The following FRMD4A variants were observed in gnomAD, a reference collection of about 807,000 sequenced individuals.
FRMD4A encodes the protein FERM domain-containing protein 4A.
In FRMD4A, 29 loss-of-function variants were observed where a neutral mutation model predicts 129.1. The ratio of observed to expected loss-of-function variants is 0.22; its 90% CI spans 0.17 to 0.31. FRMD4A has a LOEUF of 0.31. FRMD4A is among the 10% of genes least tolerant of loss of function. The pLI, the probability that FRMD4A is intolerant of heterozygous loss-of-function variation, is 1.00. For synonymous variants in FRMD4A, 634 were observed against 571.6 expected, an observed-to-expected ratio of 1.11 and a Z score of -1.56; for missense variants, 1,272 against 1,375.8, an observed-to-expected ratio of 0.92 and a Z score of 1.19.
chr10:13,901,962 C>G (rs2094824678), intron 2 of FRMD4A, among the ~76,000 whole-genome samples: 1 of 152,162 alleles, frequency 6.6e-6, no homozygotes, highest in South Asian at 2.1e-4. Flanking sequence ...TTCAGGCTAT[C>G]AAATTTCTAG....
At chr10:13,819,532 G>A (rs1223578930) in intron 3 of FRMD4A, among the ~76,000 whole-genome samples, 2 of 152,064 alleles carry the variant, frequency 1.3e-5, no homozygotes, top group East Asian at 3.9e-4. Context: ...TAAACTTTGT[G>A]TGACATGATT....
chr10:14,090,165 G>A (rs1345355981), intron 2 of FRMD4A, among the ~76,000 whole-genome samples: 1 of 152,204 alleles, frequency 6.6e-6, no homozygotes, highest in East Asian at 1.9e-4. Flanking sequence ...AAGAGTCTTC[G>A]GGGTGGCACT....
At chr10:13,728,788 C>T (rs144678542) in intron 12 of FRMD4A, among the ~76,000 whole-genome samples, 1,572 of 151,718 alleles carry the variant, frequency 0.01, 33 homozygotes, top group African/African-American at 0.035. Flanking sequence ...GCCAGGCTGG[C>T]CTCGAACTCC....
Position 13,663,465 on chromosome 10 carries a change from C to T in FRMD4A, c.1648G>A (p.Val550Ile). Residue 550 changes from valine (V) to isoleucine (I), a missense_variant, in exon 19 of 25, where the codon GTT (valine) becomes ATT (isoleucine). Physicochemically the swap from Val to Ile is conservative, Grantham distance 29. Coordinates refer to ENST00000357447, the MANE Select transcript of FRMD4A (RefSeq NM_018027.5). ...TGCATAAACCTACCATCCTCAAGAA[C>T]AAGGGCATCTGAGAGGGAGCTGTCT... is the stretch of plus-strand genomic sequence containing the variant. The part of the protein sequence containing the change: ...SEDSSLSDAL[V>I]LEDEDSQVTS... 1 of 1,542,156 alleles carries T rather than the reference C, an allele frequency of 6.5e-7. No homozygotes were observed. Among genetic ancestry groups the T allele is most frequent in the Non-Finnish European group, 9.0e-7 (1 of 1,114,142 alleles).
chr10:13,987,536 C>T lies in FRMD4A; in HGVS notation c.46-128624G>A, dbSNP rs544979567. ...CTTGAGTTCGCCCAACGTCAGGAAC[C>T]AAGCAGCCAAGCTGAGACCCTGATC... On this transcript the variant is annotated intron_variant, in intron 2 of 24. Transcript: ENST00000357447. Among the ~76,000 whole-genome samples, 17 of 152,214 alleles carry T rather than the reference C, an allele frequency of 1.1e-4. No individual in the cohort carries two copies. In the South Asian group the frequency reaches 2.3e-3, roughly 20 times the overall value.
chr10:14,329,227 C>A (rs1427520328), intron 2 of FRMD4A, among the ~76,000 whole-genome samples: 5 of 152,172 alleles, frequency 3.3e-5, no homozygotes, highest in African/African-American at 4.8e-5. Context: ...GGAAACATTT[C>A]CATGCCAAGC....
At chr10:13,915,279 G>A (rs1049249675) in intron 2 of FRMD4A, among the ~76,000 whole-genome samples, 1 of 152,110 alleles carries the variant, frequency 6.6e-6, no homozygotes, top group African/African-American at 2.4e-5. Flanking sequence ...TGGGAAGGCG[G>A]GGGCTAGCGA....
chr10:14,072,290 GT>G (rs1835353688), intron 2 of FRMD4A, among the ~76,000 whole-genome samples: 1 of 152,104 alleles, frequency 6.6e-6, no homozygotes, highest in Non-Finnish European at 1.5e-5. Context: ...GAAGTCAGAA[GT>G]TCTTACTTCT....
At chr10:13,968,238 C>A (rs893376703) in intron 2 of FRMD4A, among the ~76,000 whole-genome samples, 5 of 152,152 alleles carry the variant, frequency 3.3e-5, no homozygotes, top group Non-Finnish European at 7.3e-5. Flanking sequence ...TTAAAAAGTT[C>A]CCTAGGTGAA....
intron 2 of FRMD4A, among the ~76,000 whole-genome samples, chr10:14,112,929 G>A (rs1411069028): frequency 1.3e-5 from 2 of 152,162 alleles, no homozygotes; most frequent in Non-Finnish European, 2.9e-5. Flanking sequence ...GACAGACAAA[G>A]AGGTTATTAA....
chr10:13,664,613 C>T (rs998149295), intron 18 of FRMD4A, among the ~76,000 whole-genome samples: 3 of 152,140 alleles, frequency 2.0e-5, no homozygotes, highest in Non-Finnish European at 2.9e-5. Flanking sequence ...AGGATGCTCA[C>T]GAGTTTAGGC....
chr10:14,030,911 CTG>C (rs1380917083), intron 2 of FRMD4A, among the ~76,000 whole-genome samples: 1 of 152,218 alleles, frequency 6.6e-6, no homozygotes, highest in African/African-American at 2.4e-5. Flanking sequence ...ACCGCAGTCC[CTG>C]GCTCATGCAC....
intron 15 of FRMD4A, among the ~76,000 whole-genome samples, chr10:13,681,159 A>C (rs116518954): frequency 0.014 from 2,090 of 152,254 alleles, 40 homozygotes; most frequent in African/African-American, 0.048. Context: ...ACACAGCACA[A>C]TCTTCCCTCC....
chr10:14,316,028 T>C (rs1207145539), intron 2 of FRMD4A, among the ~76,000 whole-genome samples: 16 of 152,242 alleles, frequency 1.1e-4, no homozygotes, highest in Admixed American at 1.0e-3. Flanking sequence ...ACACTGTTGA[T>C]TGCCTATGCA....
At chr10:14,204,328 C>T (rs1842721226) in intron 2 of FRMD4A, among the ~76,000 whole-genome samples, 1 of 151,956 alleles carries the variant, frequency 6.6e-6, no homozygotes, top group African/African-American at 2.4e-5. Context: ...ACTTGGGAAG[C>T]TGAGGTAGGA....
intron 3 of FRMD4A, among the ~76,000 whole-genome samples, chr10:13,813,718 C>G (rs534079257): frequency 6.6e-6 from 1 of 152,316 alleles, no homozygotes; most frequent in South Asian, 2.1e-4. Flanking sequence ...TGTAGACTAT[C>G]AGTTGTTTAC....
At chr10:13,736,205 AAAG>A (rs1280801662) in intron 12 of FRMD4A, among the ~76,000 whole-genome samples, 2 of 152,262 alleles carry the variant, frequency 1.3e-5, no homozygotes, top group South Asian at 2.1e-4. Flanking sequence ...GTTGTTCTAA[AAAG>A]AAGGAGGGAA....
chr10:13,982,636 T>C (rs890328877), intron 2 of FRMD4A, among the ~76,000 whole-genome samples: 2 of 152,184 alleles, frequency 1.3e-5, no homozygotes, highest in African/African-American at 4.8e-5. Context: ...AGACAGGCCT[T>C]ACTGGGTCTT....
intron 2 of FRMD4A, among the ~76,000 whole-genome samples, chr10:14,023,257 C>G (rs1832842766): frequency 6.6e-6 from 1 of 152,130 alleles, no homozygotes; most frequent in South Asian, 2.1e-4. Context: ...CACACCCAGC[C>G]CTGGGAAGGG....
Sources: allele counts gnomAD v4.1 joint callset (sites outside exome capture counted in the v4.1 genomes callset), GRCh38; gene constraint gnomAD v4.1.1; transcripts MANE v1.5; gene names NCBI Gene and HGNC (gene_info 2026-07-23, HGNC 2026-07-21).